Variants in SNAPC4 observed in about 807,000 individuals in gnomAD.
SNAPC4 encodes small nuclear RNA activating complex polypeptide 4, also known as snRNA-activating protein complex subunit 4.
A neutral mutation model predicts 151.3 loss-of-function variants in SNAPC4; 127 were observed. That is an observed-to-expected ratio of 0.84 (90% CI 0.73 to 0.97). SNAPC4 has a LOEUF of 0.97. Among genes scored for constraint, SNAPC4 ranks in the 50% least tolerant of loss-of-function variants. The probability of loss-of-function intolerance (pLI) is 0.00; values close to 1 mark genes in which losing one functional copy is unlikely to be tolerated. For synonymous variants in SNAPC4, 1,002 were observed against 824.4 expected, an observed-to-expected ratio of 1.22 and a Z score of -3.69; for missense variants, 2,186 against 1,935.0, an observed-to-expected ratio of 1.13 and a Z score of -2.43.
chr9:136,392,514 T>C lies in SNAPC4; in HGVS notation c.810+8A>G. ...GCTGCTTGGGGCTCAGACCTGCCCCTGACTTACGTTAATATTGGAAATCTT... is the reference window on the plus strand; with the variant it reads ...GCTGCTTGGGGCTCAGACCTGCCCCCGACTTACGTTAATATTGGAAATCTT... On this transcript the variant is annotated splice_region_variant and intron_variant, in intron 9 of 23. Transcript: ENST00000684778. 1 of 1,613,490 alleles carries C rather than the reference T, an allele frequency of 6.2e-7. No homozygotes were observed. The highest frequency in any genetic ancestry group is 8.5e-7 in the Non-Finnish European group (1 of 1,179,908).
At chr9:136,391,833 C>G in intron 10 of SNAPC4, 109 bp downstream of exon 10, 1 of 1,215,676 alleles carries the variant, frequency 8.2e-7, no homozygotes, top group Admixed American at 2.3e-5. Flanking sequence ...ACATAGAAAC[C>G]TGGCGGTGAG....
rs1232956009 is a variant in SNAPC4 at position 136,380,788 on chromosome 9, G to A, written c.2451C>T (p.Pro817=). 1 of 1,611,726 alleles carries A rather than the reference G, an allele frequency of 6.2e-7. No homozygotes were observed. The highest frequency in any genetic ancestry group is 1.3e-5 in the African/African-American group (1 of 74,910). The change falls in exon 20 of 24, where the codon CCC becomes CCT. Residue 817 remains proline, a synonymous_variant. Coordinates refer to ENST00000684778, the MANE Select transcript of SNAPC4 (RefSeq NM_003086.4). ...CCCGAGCACCAGCCTGGGGCAGCCT[G>A]GGTGGCAGGGCCTTCCTCTCTCGGA... ...EVVRERKALP[P]RLPQAGARDP...
At chr9:136,399,297 C>T (rs1564398642) in intron 1 of SNAPC4, among the ~76,000 whole-genome samples, 1 of 152,224 alleles carries the variant, frequency 6.6e-6, no homozygotes, top group African/African-American at 2.4e-5. Context: ...CACCCGCGAG[C>T]ACCGTTAGCC....
rs1833561949 is a variant in SNAPC4, at chr9:136,378,614, A to G, written c.3213T>C (p.Ser1071=). ...GCACCCAGGTGACAGGCAGGGGGAC[A>G]CTGGTCGCCACATGTGGCCCTCCTA... The part of the protein sequence containing the change: ...THIGGPHVAT[S]VPLPVTWVLT... Residue 1071 remains serine, a synonymous_variant, in exon 22 of 24, where the codon AGT becomes AGC. Transcript: ENST00000684778. The G allele has an allele frequency of 6.4e-7, 1 of 1,568,732 alleles. No homozygotes were observed. The highest frequency in any genetic ancestry group is 1.4e-5 in the African/African-American group (1 of 74,028).
intron 1 of SNAPC4, 157 bp from the exon 2 acceptor site, chr9:136,398,594 G>A: frequency 1.3e-6 from 1 of 772,874 alleles, no homozygotes; most frequent in Non-Finnish European, 2.1e-6. Flanking sequence ...CACAGAATCG[G>A]GGAACCCTGG....
At chr9:136,395,875 T>A in intron 3 of SNAPC4, 105 bp from the exon 4 acceptor site, 4 of 1,164,484 alleles carry the variant, frequency 3.4e-6, no homozygotes, top group Non-Finnish European at 4.9e-6. Flanking sequence ...CCGAGGCAGC[T>A]CTGGCATAGC....
At position 136,378,629 on chromosome 9, in the gene SNAPC4, T is replaced by C; in HGVS notation, c.3198A>G (p.Pro1066=). The change falls in exon 22 of 24, where the codon CCA becomes CCG. Residue 1066 remains proline (P), a synonymous_variant. Coordinates refer to ENST00000684778, the MANE Select transcript of SNAPC4 (RefSeq NM_003086.4). ...QPLSLTHIGG[P]HVATSVPLPV... Reference sequence around the variant, plus strand: ...GCAGGGGGACACTGGTCGCCACATGTGGCCCTCCTATGTGCGTCAGGCTGA... The same window carrying C: ...GCAGGGGGACACTGGTCGCCACATGCGGCCCTCCTATGTGCGTCAGGCTGA... 1.3e-6 allele frequency: 2 copies of C among 1,544,358 alleles called. No individual in the cohort carries two copies. Among genetic ancestry groups the C allele is most frequent in the Non-Finnish European group, 1.7e-6 (2 of 1,149,224 alleles).
Position 136,377,861 on chromosome 9 carries a change from C to A in SNAPC4, c.3966G>T (p.Lys1322Asn), listed in dbSNP as rs781005050. 2 of 1,611,484 alleles carry A rather than the reference C, an allele frequency of 1.2e-6. No individual in the cohort carries two copies. The highest frequency in any genetic ancestry group is 1.1e-5 in the South Asian group (1 of 91,086). Residue 1322 changes from lysine (K) to asparagine (N), a missense_variant, in exon 22 of 24, where the codon AAG becomes AAT. Coordinates refer to ENST00000684778, the MANE Select transcript of SNAPC4 (RefSeq NM_003086.4). ...RALSGLLLHK[K>N]ALEHKATSLV... ...GGGAGGTGGCCTTGTGCTCCAGGGC[C>A]TTCTTGTGGAGTAGGAGACCGGACA... is the stretch of plus-strand genomic sequence containing the variant.
intron 2 of SNAPC4, 59 bp downstream of exon 2, chr9:136,398,240 C>T: frequency 6.4e-7 from 1 of 1,557,602 alleles, no homozygotes; most frequent in Non-Finnish European, 8.7e-7. Context: ...GAGAGGAACC[C>T]AGGAGGCAGA....
rs750246645 is a variant in SNAPC4 at position 136,378,511 on chromosome 9, C to A, written c.3316G>T (p.Ala1106Ser). The A allele has an allele frequency of 3.8e-6, 6 of 1,590,736 alleles. No individual in the cohort carries two copies. In the Admixed American group the frequency reaches 1.0e-4, roughly 27 times the overall value. The change falls in exon 22 of 24, where the codon GCA (alanine) becomes TCA (serine). Residue 1106 changes from alanine (A) to serine (S), a missense_variant. Physicochemically the swap from Ala to Ser is moderately conservative, Grantham distance 99 (BLOSUM62 1). Coordinates refer to ENST00000684778, the MANE Select transcript of SNAPC4 (RefSeq NM_003086.4). ...LPRPAGTPGPAGLLATLLPPL... is the reference protein window; with the variant it reads ...LPRPAGTPGPSGLLATLLPPL... ...GGCAGCAGAGTGGCCAGCAGCCCTG[C>A]GGGGCCAGGGGTCCCTGCTGGCCTG...
intron 16 of SNAPC4, 65 bp from the exon 17 acceptor site, chr9:136,382,401 C>T (rs555556802): frequency 7.3e-5 from 99 of 1,352,700 alleles, no homozygotes; most frequent in Non-Finnish European, 9.6e-5. Flanking sequence ...GCCCTCCCCT[C>T]GCTGCCCACA....
Position 136,378,931 on chromosome 9 carries a change from A to G in SNAPC4, c.2896T>C (p.Ser966Pro), listed in dbSNP as rs1416967530. Residue 966 changes from serine to proline, a missense_variant, in exon 22 of 24, where the codon TCT becomes CCT. Coordinates refer to ENST00000684778, the MANE Select transcript of SNAPC4 (RefSeq NM_003086.4). ...GAPAAAKPGT[S>P]GSWQEAGTSA... Reference sequence around the variant, plus strand: ...GTCCCAGCCTCCTGCCAGGAGCCAGAAGTGCCAGGTTTGGCTGCCGCGGGG... The same window carrying G: ...GTCCCAGCCTCCTGCCAGGAGCCAGGAGTGCCAGGTTTGGCTGCCGCGGGG... The G allele has an allele frequency of 5.6e-6, 9 of 1,610,700 alleles. No individual in the cohort carries two copies. Among genetic ancestry groups the G allele is most frequent in the African/African-American group, 1.3e-5 (1 of 74,924 alleles).
chr9:136,395,471 ACT>A, intron 4 of SNAPC4, 48 bp from the exon 5 acceptor site: 2 of 1,596,248 alleles, frequency 1.3e-6, no homozygotes, highest in Non-Finnish European at 1.7e-6. Flanking sequence ...AGCAGCAATG[ACT>A]CTCCCTGCGG....
At chr9:136,377,411 T>C in intron 22 of SNAPC4, 132 bp downstream of exon 22, 1 of 1,193,100 alleles carries the variant, frequency 8.4e-7, no homozygotes, top group East Asian at 2.7e-5. Context: ...AGCTTCCTCC[T>C]CCTAAGACAC....
At chr9:136,398,199 C>A (rs1329423790) in intron 2 of SNAPC4, 100 bp downstream of exon 2, 1 of 1,319,284 alleles carries the variant, frequency 7.6e-7, no homozygotes, top group Non-Finnish European at 1.0e-6. Context: ...TGAGAAACCA[C>A]ACCCGGCTAC....
intron 23 of SNAPC4, 59 bp downstream of exon 23, chr9:136,376,290 T>C (rs1833441958): frequency 2.2e-5 from 35 of 1,587,954 alleles, no homozygotes; most frequent in Non-Finnish European, 2.9e-5. Context: ...CCCCCTGCCA[T>C]CTGGACACCA....
chr9:136,378,655 G>A lies in SNAPC4; in HGVS notation c.3172C>T (p.Leu1058Phe). 6.6e-7 allele frequency: 1 copy of A among 1,519,488 alleles called. No homozygotes were observed. The highest frequency in any genetic ancestry group is 8.8e-7 in the Non-Finnish European group (1 of 1,135,504). The allele number at this position is 1,519,488 out of a possible 1,614,324, so 94.1% of individuals were successfully genotyped here. The change falls in exon 22 of 24, where the codon CTC becomes TTC. Residue 1058 changes from leucine to phenylalanine, a missense_variant. Coordinates refer to ENST00000684778, the MANE Select transcript of SNAPC4 (RefSeq NM_003086.4). ...PSPTPLPVQP[L>F]SLTHIGGPHV... ...GGCCCTCCTATGTGCGTCAGGCTGAGGGGCTGGACGGGCAGTGGGGTGGGG... is the reference window on the plus strand; with the variant it reads ...GGCCCTCCTATGTGCGTCAGGCTGAAGGGCTGGACGGGCAGTGGGGTGGGG...
chr9:136,395,560 G>C, intron 4 of SNAPC4, 43 bp downstream of exon 4: 3 of 1,583,000 alleles, frequency 1.9e-6, no homozygotes, highest in Non-Finnish European at 2.6e-6. Flanking sequence ...GGGGCTCTGG[G>C]GGTGGGGAGG....
Position 136,383,449 on chromosome 9 carries a change from G to T in SNAPC4, c.1720C>A (p.Pro574Thr). Residue 574 changes from proline (P) to threonine (T), a missense_variant, in exon 16 of 24, where the codon CCT becomes ACT. Coordinates refer to ENST00000684778, the MANE Select transcript of SNAPC4 (RefSeq NM_003086.4). The surrounding 1 kb of genome is among the most constrained non-coding windows in gnomAD (Gnocchi z 4.2). ...YMVPDMDLWV[P>T]ARQSTSQPWR... ...GGCTGGCTGGTGCTCTGCCTGGCAGGAACCCACAGGTCCATGTCCGGGACC... is the reference window on the plus strand; with the variant it reads ...GGCTGGCTGGTGCTCTGCCTGGCAGTAACCCACAGGTCCATGTCCGGGACC... 6.4e-7 allele frequency: 1 copy of T among 1,562,036 alleles called. No individual in the cohort carries two copies. The highest frequency in any genetic ancestry group is 8.7e-7 in the Non-Finnish European group (1 of 1,153,368).
Sources: allele counts gnomAD v4.1 joint callset (sites outside exome capture counted in the v4.1 genomes callset), GRCh38; gene constraint gnomAD v4.1.1; non-coding constraint Gnocchi (gnomAD v3.1); transcripts MANE v1.5; gene names NCBI Gene and HGNC (gene_info 2026-07-23, HGNC 2026-07-21).